Variants in EMSY observed in about 807,000 individuals in gnomAD.
EMSY encodes EMSY transcriptional repressor, BRCA2 interacting, also known as BRCA2-interacting transcriptional repressor EMSY.
EMSY carries 26 observed loss-of-function variants against 134.6 expected under a neutral mutation model. The observed-to-expected ratio is 0.19, with a 90% CI of 0.14 to 0.27. The LOEUF (loss-of-function observed/expected upper bound fraction) is 0.27. Among genes scored for constraint, EMSY ranks in the 10% least tolerant of loss-of-function variants. EMSY has a pLI of 1.00. For missense variants in EMSY, 1,305 were observed against 1,611.4 expected (o/e 0.81, Z 3.26); for synonymous variants, 579 against 577.8 (o/e 1.00, Z -0.03).
intron 14 of EMSY, among the ~76,000 whole-genome samples, chr11:76,534,362 A>G (rs1311918162): frequency 1.3e-5 from 2 of 152,170 alleles, no homozygotes; most frequent in East Asian, 1.9e-4. Context: ...TGTGCTTCAC[A>G]TGGCATTTGG....
At chr11:76,508,528 A>G (rs1440795891) in intron 9 of EMSY, among the ~76,000 whole-genome samples, 7 of 152,148 alleles carry the variant, frequency 4.6e-5, no homozygotes. Context: ...ATCAGCTTCA[A>G]CTTAAACTCA....
At chr11:76,538,020 G>A (rs1167257217) in intron 16 of EMSY, 70 bp downstream of exon 17, 28 of 1,321,850 alleles carry the variant, frequency 2.1e-5, no homozygotes, top group Non-Finnish European at 2.7e-5. Flanking sequence ...GGATGATTGT[G>A]TGGGGGAGAA....
chr11:76,447,622 C>A (rs938245561), intron 2 of EMSY, among the ~76,000 whole-genome samples: 7 of 152,206 alleles, frequency 4.6e-5, no homozygotes, highest in Non-Finnish European at 7.3e-5. Context: ...CCTTTCTCAA[C>A]CAGCATTGAG....
Position 76,519,842 on chromosome 11 carries a change from T to TG in EMSY, c.1685-3312dup, listed in dbSNP as rs1418775728. On this transcript the variant is annotated intron_variant, in intron 11 of 20. Coordinates refer to ENST00000334736, the Ensembl canonical transcript of EMSY. Reference sequence around the variant, plus strand: ...TATCTAAATGGGATATACAGTTATTTGCACCCATTATATCTCGATTGTTTT... The same window carrying TG: ...TATCTAAATGGGATATACAGTTATTTGGCACCCATTATATCTCGATTGTTTT... 7.9e-5 allele frequency among the ~76,000 whole-genome samples: 12 copies of TG among 152,330 alleles called. No homozygotes were observed. The East Asian group carries it at 2.3e-3, about 29-fold the overall frequency.
intron 11 of EMSY, 106 bp from the exon 13 acceptor site, chr11:76,523,049 T>G: frequency 8.9e-7 from 1 of 1,122,110 alleles, no homozygotes; most frequent in Non-Finnish European, 1.2e-6. Flanking sequence ...TCATGTCATC[T>G]AGGAATGACA....
intron 11 of EMSY, 142 bp from the exon 13 acceptor site, chr11:76,523,013 C>T: frequency 1.3e-6 from 1 of 773,414 alleles, no homozygotes; most frequent in Non-Finnish European, 2.0e-6. Context: ...TATTCCAAGC[C>T]TTCATTTTCA....
At chr11:76,499,204 G>T (rs563491504) in intron 9 of EMSY, among the ~76,000 whole-genome samples, 1 of 147,346 alleles carries the variant, frequency 6.8e-6, no homozygotes, top group East Asian at 2.1e-4. Context: ...CAAGTGATCC[G>T]CCCACCTCAG....
At chr11:76,513,489 C>T (rs1950346612) in exon 10 of EMSY, 2 of 1,613,514 alleles carry the variant, frequency 1.2e-6, no homozygotes, top group African/African-American at 2.7e-5. Context: ...TGGTGGTTAG[C>T]AGTAATGGTG....
intron 17 of EMSY, 56 bp downstream of exon 18, chr11:76,539,696 G>T (rs1446176002): frequency 1.2e-5 from 19 of 1,547,834 alleles, no homozygotes; most frequent in Non-Finnish European, 1.6e-5. Context: ...GATTGTTTTG[G>T]GGGGAACCGC....
intron 9 of EMSY, among the ~76,000 whole-genome samples, chr11:76,503,904 C>T (rs951036274): frequency 6.6e-6 from 1 of 152,104 alleles, no homozygotes; most frequent in Non-Finnish European, 1.5e-5. Flanking sequence ...CCTGCTTCAG[C>T]CTCCCGAGTA....
chr11:76,451,992 A>T, intron 3 of EMSY, 35 bp downstream of exon 3: 1 of 1,363,078 alleles, frequency 7.3e-7, no homozygotes, highest in African/African-American at 1.5e-5. Flanking sequence ...GACTCTAGAA[A>T]TTTCATTTTG....
chr11:76,513,428 T>C, exon 10 of EMSY: 2 of 1,613,682 alleles, frequency 1.2e-6, no homozygotes, highest in Non-Finnish European at 1.7e-6. Flanking sequence ...AGTAAAATCT[T>C]ACCCAAACCA....
At chr11:76,519,221 C>T (rs1455132317) in intron 11 of EMSY, among the ~76,000 whole-genome samples, 3 of 151,862 alleles carry the variant, frequency 2.0e-5, no homozygotes, top group Non-Finnish European at 4.4e-5. Context: ...CCTGCCACCA[C>T]GCTCGGCTAA....
chr11:76,511,241 T>C (rs1276782495), intron 9 of EMSY, among the ~76,000 whole-genome samples: 1 of 152,232 alleles, frequency 6.6e-6, no homozygotes, highest in Non-Finnish European at 1.5e-5. Context: ...ATTTTTTCTC[T>C]TTTCTGGGGT....
At chr11:76,512,145 T>C (rs1950299959) in intron 9 of EMSY, among the ~76,000 whole-genome samples, 1 of 152,236 alleles carries the variant, frequency 6.6e-6, no homozygotes. Context: ...ACTCATGAAT[T>C]ATTTCAGTGA....
chr11:76,477,029 A>G (rs1948792801), intron 8 of EMSY, among the ~76,000 whole-genome samples: 1 of 152,062 alleles, frequency 6.6e-6, no homozygotes, highest in Non-Finnish European at 1.5e-5. Context: ...TGATTCAGGA[A>G]GGATCTTTAG....
chr11:76,510,554 T>C (rs1440384372), intron 9 of EMSY, among the ~76,000 whole-genome samples: 3 of 152,114 alleles, frequency 2.0e-5, no homozygotes, highest in African/African-American at 7.2e-5. Context: ...GTCCTCACAG[T>C]TTGCCTCGCT....
chr11:76,508,325 T>C (rs1950155454), intron 9 of EMSY, among the ~76,000 whole-genome samples: 1 of 149,066 alleles, frequency 6.7e-6, no homozygotes, highest in Non-Finnish European at 1.5e-5. Context: ...CAGTGGGTAG[T>C]AATATTTTGA....
At chr11:76,549,004 C>T (rs1343618686) in intron 20 of EMSY, among the ~76,000 whole-genome samples, 1 of 152,112 alleles carries the variant, frequency 6.6e-6, no homozygotes, top group African/African-American at 2.4e-5. Flanking sequence ...TCTCTTGGAG[C>T]TTACATTTTA....
Sources: gnomAD v4.1 joint callset for allele counts (sites outside exome capture counted in the v4.1 genomes callset) on GRCh38, gnomAD v4.1.1 for gene constraint, MANE v1.5 for transcripts, NCBI Gene and HGNC (gene_info 2026-07-23, HGNC 2026-07-21) for gene names.